The following TTI2 variants were observed in gnomAD, a reference collection of about 807,000 sequenced individuals.
TTI2 encodes the protein TELO2-interacting protein 2.
In TTI2, 26 loss-of-function variants were observed where a neutral mutation model predicts 44.9. That is an observed-to-expected ratio of 0.58 (90% CI 0.42 to 0.80). The LOEUF (loss-of-function observed/expected upper bound fraction) is 0.80, where lower values mean the gene tolerates loss of function less well. Among genes scored for constraint, TTI2 ranks in the 30% least tolerant of loss-of-function variants. TTI2 has a pLI of 0.00. For synonymous variants in TTI2, 254 were observed against 250.9 expected (o/e 1.01, Z -0.12); for missense variants, 582 against 611.6 (o/e 0.95, Z 0.51).
intron 4 of TTI2, among the ~76,000 whole-genome samples, chr8:33,506,549 G>A (rs892651405): frequency 5.3e-5 from 8 of 151,520 alleles, no homozygotes; most frequent in Admixed American, 6.6e-5. Flanking sequence ...GTGCCACCAC[G>A]CCTGGCTAAT....
intron 6 of TTI2, among the ~76,000 whole-genome samples, chr8:33,502,209 G>C (rs1809108616): frequency 6.6e-6 from 1 of 152,144 alleles, no homozygotes; most frequent in Non-Finnish European, 1.5e-5. Context: ...CTCCCAAAGT[G>C]CTGGGATTAC....
At chr8:33,507,431 C>A in intron 3 of TTI2, 110 bp from the exon 4 acceptor site, 1 of 859,212 alleles carries the variant, frequency 1.2e-6, no homozygotes, top group East Asian at 2.6e-5. Context: ...CATGCCATCC[C>A]AAAATATGCA....
At position 33,512,284 on chromosome 8, in the gene TTI2, G is replaced by A. The variant is rs369659564; in HGVS notation, c.330C>T (p.Ala110=). 3.1e-6 allele frequency: 5 copies of A among 1,613,978 alleles called. No homozygotes were observed. In the Admixed American group the frequency reaches 6.7e-5, roughly 22 times the overall value. The part of the protein sequence containing the change: ...EGGGDGHSEA[A]EKAAQVGLLF... ...GTAACCCAACTTGGGCTGCTTTCTC[G>A]GCCGCTTCGGAGTGCCCATCACCTC... The change falls in exon 2 of 8, where the codon GCC becomes GCT. Residue 110 remains alanine, a synonymous_variant. Transcript: ENST00000431156.
Position 33,509,727 on chromosome 8 carries a change from C to A in TTI2, c.834+19G>T. 1.2e-6 allele frequency: 2 copies of A among 1,613,096 alleles called. No homozygotes were observed. The highest frequency in any genetic ancestry group is 1.7e-6 in the Non-Finnish European group (2 of 1,179,156). Reference sequence around the variant, plus strand: ...CAGTCTGTCCTGTCAACACAGATGACAAGCCAGAGGTTGCTTACCACATTA... The same window carrying A: ...CAGTCTGTCCTGTCAACACAGATGAAAAGCCAGAGGTTGCTTACCACATTA... On this transcript the variant is annotated intron_variant, in intron 3 of 7. Transcript: ENST00000431156.
chr8:33,511,120 G>A (rs561759149), intron 2 of TTI2, among the ~76,000 whole-genome samples: 11 of 152,186 alleles, frequency 7.2e-5, no homozygotes, highest in African/African-American at 2.7e-4. Context: ...TCAGCTCACT[G>A]CAATCTCTGC....
In TTI2 at chr8:33,509,873, A is replaced by G. The variant is rs201675711; in HGVS notation, c.707T>C (p.Val236Ala). 1.3e-5 allele frequency: 21 copies of G among 1,613,350 alleles called. No homozygotes were observed. In the East Asian group the frequency reaches 4.5e-4, roughly 34 times the overall value. The change falls in exon 3 of 8, where the codon GTC (valine) becomes GCC (alanine). Residue 236 changes from valine (V) to alanine (A), a missense_variant. By Grantham distance (64) the Val-to-Ala change is moderately conservative (BLOSUM62 0). Transcript: ENST00000431156. ...ATGCTGGCTCAGCCAGGGCCGAGTG[A>G]CCTGTTGCAGAGTCCATGAGAAAAC... ...KHVFSWTLQQ[V>A]TRPWLSQHLE...
rs1035217466 is a variant in TTI2, at chr8:33,500,763, C to T, written c.1260-273G>A. 1.6e-5 allele frequency: 6 copies of T among 373,458 alleles called. No individual in the cohort carries two copies. The Admixed American group carries it at 2.1e-4, about 13-fold the overall frequency. 23.1% of individuals were successfully genotyped at this position (373,458 alleles called of 1,614,324 possible). ...AGCTTGGTTCTACTGTAAGCAACAG[C>T]TCCTTCATGGGCTGAGAAGGGGAAA... is the stretch of plus-strand genomic sequence containing the variant. On this transcript the variant is annotated intron_variant, in intron 6 of 7. Transcript: ENST00000431156.
chr8:33,500,418 G>T lies in TTI2; in HGVS notation c.1332C>A (p.Asn444Lys). 1 of 1,614,124 alleles carries T rather than the reference G, an allele frequency of 6.2e-7. No homozygotes were observed. The highest frequency in any genetic ancestry group is 8.5e-7 in the Non-Finnish European group (1 of 1,180,006). The change falls in exon 7 of 8, where the codon AAC becomes AAA. Residue 444 changes from asparagine to lysine, a missense_variant. Transcript: ENST00000431156. The stretch of plus-strand genomic sequence containing the variant: ...CGCTCTTAACAGACTCAGGTGTAAG[G>T]TTTGGATCCCTTGCTACATCACAAA... Reference protein sequence around the residue: ...KLICDVARDPNLTPESVKSAL... With the variant: ...KLICDVARDPKLTPESVKSAL...
Position 33,511,992 on chromosome 8 carries a change from C to G in TTI2, c.622G>C (p.Gly208Arg). 6.2e-7 allele frequency: 1 copy of G among 1,614,218 alleles called. No homozygotes were observed. Among genetic ancestry groups the G allele is most frequent in the Non-Finnish European group, 8.5e-7 (1 of 1,180,046 alleles). Residue 208 changes from glycine to arginine, a missense_variant, in exon 2 of 8, where the codon GGG becomes CGG. Gly to Arg is a moderately radical substitution (Grantham distance 125). Coordinates refer to ENST00000431156, the MANE Select transcript of TTI2 (RefSeq NM_001102401.4). The stretch of plus-strand genomic sequence containing the variant: ...TTATACAAGTCGGGTTTGAGAAGCC[C>G]TAGTATCACCGAAAGTCTCCCTTTC... Reference protein sequence around the residue: ...DEKGRLSVILGLLKPDLYKES... With the variant: ...DEKGRLSVILRLLKPDLYKES...
Position 33,507,265 on chromosome 8 carries a change from G to A in TTI2, c.891C>T (p.Ser297=). 4 of 1,614,184 alleles carry A rather than the reference G, an allele frequency of 2.5e-6. No homozygotes were observed. Among genetic ancestry groups the A allele is most frequent in the Non-Finnish European group, 3.4e-6 (4 of 1,180,020 alleles). ...GGTGCTCTGGTGTGTACAGGTGGTT[G>A]GAAATGGCATGGTATAGGACCTGGG... is the stretch of plus-strand genomic sequence containing the variant. ...NRAQVLYHAI[S]NHLYTPEHHL... Residue 297 remains serine (S), a synonymous_variant, in exon 4 of 8, where the codon TCC becomes TCT. Coordinates refer to ENST00000431156, the MANE Select transcript of TTI2 (RefSeq NM_001102401.4).
intron 3 of TTI2, among the ~76,000 whole-genome samples, chr8:33,508,283 A>G: frequency 6.6e-6 from 1 of 151,630 alleles, no homozygotes; most frequent in Admixed American, 6.6e-5. Context: ...TGGTTTCTAG[A>G]TCCAGGAAAA....
In TTI2 at chr8:33,512,417, C is replaced by T. The variant is rs765594737; in HGVS notation, c.197G>A (p.Arg66Lys). 8.7e-6 allele frequency: 14 copies of T among 1,614,106 alleles called. No homozygotes were observed. Among genetic ancestry groups the T allele is most frequent in the Non-Finnish European group, 1.1e-5 (13 of 1,179,964 alleles). The change falls in exon 2 of 8, where the codon AGG becomes AAG. Residue 66 changes from arginine to lysine, a missense_variant. Physicochemically the swap from Arg to Lys is conservative, Grantham distance 26 (BLOSUM62 2). Coordinates refer to ENST00000431156, the MANE Select transcript of TTI2 (RefSeq NM_001102401.4). Reference protein sequence around the residue: ...GDLIEATEFDRLFEGTGARLR... With the variant: ...GDLIEATEFDKLFEGTGARLR... ...CCGTGCACCAGTCCCCTCAAATAAC[C>T]TATCAAATTCTGTGGCTTCTATTAG...
Position 33,498,996 on chromosome 8 carries a change from A to C in TTI2, c.*177T>G. 3.2e-6 allele frequency: 2 copies of C among 620,116 alleles called. No individual in the cohort carries two copies. The highest frequency in any genetic ancestry group is 6.0e-5 in the Admixed American group (2 of 33,410). The allele number at this position is 620,116 out of a possible 1,614,324, so 38.4% of individuals were successfully genotyped here. On this transcript the variant is annotated 3_prime_UTR_variant, in exon 8 of 8. Transcript: ENST00000431156. Reference sequence around the variant, plus strand: ...CTTTATTTAGAAATGGAAGGAGTTCAATTTTTTCTTGTTCTACTTTCCCTA... The same window carrying C: ...CTTTATTTAGAAATGGAAGGAGTTCCATTTTTTCTTGTTCTACTTTCCCTA...
At position 33,510,537 on chromosome 8, in the gene TTI2, C is replaced by A. The variant is rs112046781; in HGVS notation, c.648-605G>T. On this transcript the variant is annotated intron_variant, in intron 2 of 7. Transcript: ENST00000431156. ...GATTACACACTTGCACCACCATACCCGGATAATTTTTATATTTGTAGTAGA... is the reference window on the plus strand; with the variant it reads ...GATTACACACTTGCACCACCATACCAGGATAATTTTTATATTTGTAGTAGA... Among the ~76,000 whole-genome samples, 3 of 152,144 alleles carry A rather than the reference C, an allele frequency of 2.0e-5. No homozygotes were observed. In the South Asian group the frequency reaches 6.2e-4, roughly 32 times the overall value.
chr8:33,508,984 A>C (rs563831010), intron 3 of TTI2, among the ~76,000 whole-genome samples: 1 of 151,812 alleles, frequency 6.6e-6, no homozygotes, highest in Non-Finnish European at 1.5e-5. Context: ...TCCACTAAAA[A>C]TACAAAAATT....
intron 2 of TTI2, among the ~76,000 whole-genome samples, chr8:33,511,201 C>T (rs562409020): frequency 1.3e-5 from 2 of 152,124 alleles, no homozygotes; most frequent in South Asian, 2.1e-4. Flanking sequence ...CACCACCATG[C>T]CCAGCTAATT....
At chr8:33,504,750 T>C (rs1276945713) in intron 4 of TTI2, among the ~76,000 whole-genome samples, 3 of 152,206 alleles carry the variant, frequency 2.0e-5, no homozygotes, top group Non-Finnish European at 4.4e-5. Flanking sequence ...TTGGGATGCA[T>C]GCAGGCCATG....
rs369757546 is a variant in TTI2, at chr8:33,509,885, G to C, written c.695C>G (p.Thr232Ser). The change falls in exon 3 of 8, where the codon ACT (threonine) becomes AGT (serine). Residue 232 changes from threonine to serine, a missense_variant. Thr to Ser is a moderately conservative substitution (Grantham distance 58, BLOSUM62 1). Coordinates refer to ENST00000431156, the MANE Select transcript of TTI2 (RefSeq NM_001102401.4). ...CCAGGGCCGAGTGACCTGTTGCAGA[G>C]TCCATGAGAAAACATGTTTGATGGC... ...NPAIKHVFSW[T>S]LQQVTRPWLS... The C allele has an allele frequency of 7.5e-6, 12 of 1,600,962 alleles. No individual in the cohort carries two copies. In the East Asian group the frequency reaches 2.7e-4, roughly 36 times the overall value.
intron 7 of TTI2, chr8:33,499,771 T>G (rs1808997087): frequency 6.1e-6 from 1 of 163,184 alleles, no homozygotes; most frequent in African/African-American, 2.4e-5. Flanking sequence ...GGGTAAGAAA[T>G]GAGGCAGTAG....
Sources: allele counts gnomAD v4.1 joint callset (sites outside exome capture counted in the v4.1 genomes callset), GRCh38; gene constraint gnomAD v4.1.1; transcripts MANE v1.5; gene names NCBI Gene and HGNC (gene_info 2026-07-23, HGNC 2026-07-21).